Variants in DDX23 observed in about 807,000 individuals in gnomAD.
The protein encoded by DDX23 is probable ATP-dependent RNA helicase DDX23.
In DDX23, 33 loss-of-function variants were observed where a neutral mutation model predicts 102.7. The ratio of observed to expected loss-of-function variants is 0.32; its 90% confidence interval spans 0.24 to 0.43. The LOEUF (loss-of-function observed/expected upper bound fraction) is 0.43, where lower values mean the gene tolerates loss of function less well. Among genes scored for constraint, DDX23 ranks in the 20% least tolerant of loss-of-function variants. The pLI is 1.00. For synonymous variants in DDX23, 352 were observed against 376.0 expected, an observed-to-expected ratio of 0.94 and a Z score of 0.74; for missense variants, 549 against 1,086.6, an observed-to-expected ratio of 0.51 and a Z score of 6.96.
chr12:48,844,318 G>T (rs747508641), intron 2 of DDX23, among the ~76,000 whole-genome samples: 2 of 151,980 alleles, frequency 1.3e-5, no homozygotes, highest in African/African-American at 4.8e-5. Flanking sequence ...TCACTCTCAC[G>T]CCCAGGCTGG....
At position 48,836,621 on chromosome 12, in the gene DDX23, T is replaced by A. The variant is rs1343035232; in HGVS notation, c.1184A>T (p.Asp395Val). ...CAAGATGTGTGGGGGCAGAGAAGAG[T>A]CTTTCCAGGATCGGATGGGATTGGG... ...KIPNPIRSWK[D>V]SSLPPHILEV... The change falls in exon 10 of 17, where the codon GAC becomes GTC. Residue 395 changes from aspartate to valine, a missense_variant. Coordinates refer to ENST00000308025, the MANE Select transcript of DDX23 (RefSeq NM_004818.3). The surrounding 1 kb of genome is among the most constrained non-coding windows in gnomAD (Gnocchi z 6.1). 6.2e-7 allele frequency: 1 copy of A among 1,613,762 alleles called. No homozygotes were observed. Among genetic ancestry groups the A allele is most frequent in the African/African-American group, 1.3e-5 (1 of 74,914 alleles).
chr12:48,833,546 A>G (rs979006797), intron 12 of DDX23, 27 bp from the exon 13 acceptor site: 1 of 1,606,152 alleles, frequency 6.2e-7, no homozygotes, highest in African/African-American at 1.3e-5. Flanking sequence ...AATCATTTAT[A>G]GCCCAGCAGG....
chr12:48,837,855 C>G (rs998187771), intron 6 of DDX23, 87 bp downstream of exon 6: 3 of 1,579,170 alleles, frequency 1.9e-6, no homozygotes, highest in Admixed American at 1.8e-5. Context: ...CCAGAGTGAA[C>G]AGGTTTCTAT....
chr12:48,831,016 G>T, intron 16 of DDX23, 126 bp downstream of exon 16: 1 of 1,119,818 alleles, frequency 8.9e-7, no homozygotes, highest in Non-Finnish European at 1.3e-6. Context: ...ATGGGAGCAA[G>T]CAATCCCAGA....
At chr12:48,844,568 C>T (rs1267952293) in intron 2 of DDX23, among the ~76,000 whole-genome samples, 2 of 151,944 alleles carry the variant, frequency 1.3e-5, no homozygotes, top group African/African-American at 4.8e-5. Context: ...TATGAGCCAC[C>T]GCGCCCGGCC....
chr12:48,849,725 G>A (rs1253701151), intron 1 of DDX23, among the ~76,000 whole-genome samples: 1 of 152,168 alleles, frequency 6.6e-6, no homozygotes, highest in Non-Finnish European at 1.5e-5. Flanking sequence ...AGCACTTTGG[G>A]AGGCTAGGGT....
intron 2 of DDX23, among the ~76,000 whole-genome samples, chr12:48,844,390 T>G (rs1482413894): frequency 6.6e-6 from 1 of 152,020 alleles, no homozygotes. Context: ...GGAATTGTCA[T>G]GCCTCAGCCT....
At chr12:48,846,110 G>T (rs1015464281) in intron 1 of DDX23, among the ~76,000 whole-genome samples, 1 of 151,564 alleles carries the variant, frequency 6.6e-6, no homozygotes, top group Non-Finnish European at 1.5e-5. Flanking sequence ...CTGGGCTCAA[G>T]CCATCCTCCT....
At chr12:48,842,451 G>T (rs1938578067) in intron 3 of DDX23, among the ~76,000 whole-genome samples, 1 of 138,568 alleles carries the variant, frequency 7.2e-6, no homozygotes. Context: ...AGGGAGGTAG[G>T]GGGGTCAGCC....
intron 1 of DDX23, among the ~76,000 whole-genome samples, chr12:48,849,592 C>A (rs185494354): frequency 6.6e-6 from 1 of 150,384 alleles, no homozygotes; most frequent in Admixed American, 6.7e-5. Context: ...CCAGGAGGTG[C>A]GGGTTGTTGT....
intron 5 of DDX23, among the ~76,000 whole-genome samples, chr12:48,839,072 AC>A (rs1206961210): frequency 6.6e-6 from 1 of 151,924 alleles, no homozygotes; most frequent in Non-Finnish European, 1.5e-5. Context: ...ATGGGTTTTC[AC>A]CATGTTGCCT....
intron 3 of DDX23, 134 bp downstream of exon 3, chr12:48,843,806 C>T: frequency 1.1e-6 from 1 of 894,138 alleles, no homozygotes; most frequent in South Asian, 1.6e-5. Flanking sequence ...CCTCAGCCTC[C>T]CAAAGTGCTG....
At chr12:48,851,571 C>T (rs940237053) in intron 1 of DDX23, among the ~76,000 whole-genome samples, 1 of 152,174 alleles carries the variant, frequency 6.6e-6, no homozygotes, top group Non-Finnish European at 1.5e-5. Context: ...TACAGGTGTT[C>T]AAAGGCGTTT....
In DDX23 at chr12:48,837,267, C is replaced by G; in HGVS notation, c.866+14G>C. On this transcript the variant is annotated intron_variant, in intron 8 of 16. Transcript: ENST00000308025. ...AGTGGAAAAGACCTAGAACTCAGGCCTGAAGCCACTCACAGGGGGTTGTAG... is the reference window on the plus strand; with the variant it reads ...AGTGGAAAAGACCTAGAACTCAGGCGTGAAGCCACTCACAGGGGGTTGTAG... 1.2e-6 allele frequency: 2 copies of G among 1,612,218 alleles called. No homozygotes were observed. The highest frequency in any genetic ancestry group is 1.7e-6 in the Non-Finnish European group (2 of 1,178,378).
At chr12:48,838,550 T>TAA (rs753869273) in intron 5 of DDX23, among the ~76,000 whole-genome samples, 4 of 135,792 alleles carry the variant, frequency 2.9e-5, no homozygotes, top group South Asian at 2.3e-4. Flanking sequence ...ACCTTACCTT[T>TAA]AAAAAAAAAA....
At chr12:48,831,014 A>G in intron 16 of DDX23, 128 bp downstream of exon 16, 10 of 1,104,016 alleles carry the variant, frequency 9.1e-6, no homozygotes, top group Non-Finnish European at 1.3e-5. Context: ...TCATGGGAGC[A>G]AGCAATCCCA....
At chr12:48,850,744 G>A (rs1362108753) in intron 1 of DDX23, among the ~76,000 whole-genome samples, 2 of 151,926 alleles carry the variant, frequency 1.3e-5, no homozygotes, top group East Asian at 1.9e-4. Context: ...AAGGAGGGAG[G>A]GGTCAACTGT....
intron 11 of DDX23, chr12:48,834,983 G>A (rs1462839220): frequency 6.2e-6 from 1 of 160,878 alleles, no homozygotes; most frequent in African/African-American, 2.4e-5. Context: ...GGTGGCACAA[G>A]CCTATAATCC....
At chr12:48,842,306 G>A (rs1315821010) in intron 3 of DDX23, among the ~76,000 whole-genome samples, 12 of 141,104 alleles carry the variant, frequency 8.5e-5, no homozygotes, top group African/African-American at 2.7e-4. Context: ...CAGCCGCCCT[G>A]TCCGGGAGGT....
Sources: gnomAD v4.1 joint callset for allele counts (sites outside exome capture counted in the v4.1 genomes callset) on GRCh38, gnomAD v4.1.1 for gene constraint, Gnocchi (gnomAD v3.1) non-coding constraint, MANE v1.5 for transcripts, NCBI Gene and HGNC (gene_info 2026-07-23, HGNC 2026-07-21) for gene names.